The following RIPOR2 variants were observed in gnomAD, a reference collection of about 807,000 sequenced individuals.
RIPOR2 encodes the protein RHO family interacting cell polarization regulator 2, also known as rho family-interacting cell polarization regulator 2.
Under a neutral mutation model 114.5 loss-of-function variants are expected in RIPOR2, and 39 were observed. The ratio of observed to expected loss-of-function variants is 0.34; its 90% confidence interval spans 0.26 to 0.44. The LOEUF (loss-of-function observed/expected upper bound fraction) is 0.44, where lower values mean the gene tolerates loss of function less well. Among genes scored for constraint, RIPOR2 ranks in the 20% least tolerant of loss-of-function variants. RIPOR2 has a pLI of 1.00. For missense variants in RIPOR2, 1,007 were observed against 1,255.1 expected, an observed-to-expected ratio of 0.80 and a Z score of 2.99; for synonymous variants, 445 against 484.4, an observed-to-expected ratio of 0.92 and a Z score of 1.07.
intron 1 of RIPOR2, among the ~76,000 whole-genome samples, chr6:24,889,164 T>C (rs947189515): frequency 5.3e-5 from 8 of 152,150 alleles, no homozygotes; most frequent in African/African-American, 1.9e-4. Context: ...AGAGATGCAG[T>C]TGGAACACCT....
intron 1 of RIPOR2, among the ~76,000 whole-genome samples, chr6:24,948,624 C>A (rs918542740): frequency 6.6e-6 from 1 of 152,002 alleles, no homozygotes. Flanking sequence ...CTCTGCCTCC[C>A]GGATTCAAGA....
intron 1 of RIPOR2, chr6:24,976,480 C>T: frequency 6.4e-7 from 1 of 1,572,672 alleles, no homozygotes; most frequent in Non-Finnish European, 8.8e-7. Flanking sequence ...GGCCGCATCT[C>T]CTTTGAGGTA....
intron 1 of RIPOR2, among the ~76,000 whole-genome samples, chr6:25,022,649 C>G (rs1776389699): frequency 7.1e-6 from 1 of 140,388 alleles, no homozygotes; most frequent in African/African-American, 2.6e-5. Context: ...TGGGCTCAAA[C>G]TATCCTCCCA....
At chr6:24,931,118 T>C (rs1215484574) in intron 1 of RIPOR2, among the ~76,000 whole-genome samples, 5 of 152,200 alleles carry the variant, frequency 3.3e-5, no homozygotes, top group Non-Finnish European at 7.4e-5. Context: ...CCTTTCTTCT[T>C]TCTATTAATT....
At chr6:25,007,151 T>G (rs895392230) in intron 1 of RIPOR2, among the ~76,000 whole-genome samples, 1 of 152,344 alleles carries the variant, frequency 6.6e-6, no homozygotes, top group East Asian at 1.9e-4. Context: ...TTCTTAATAC[T>G]GCTGGAGAGA....
intron 18 of RIPOR2, among the ~76,000 whole-genome samples, chr6:24,827,328 A>G (rs780659674): frequency 2.0e-5 from 3 of 152,136 alleles, no homozygotes; most frequent in Admixed American, 6.6e-5. Flanking sequence ...ATGCCACCCA[A>G]TGTGCTGACT....
At chr6:25,041,779 A>T (rs1777468561) in intron 1 of RIPOR2, 1 of 678,678 alleles carries the variant, frequency 1.5e-6, no homozygotes, top group South Asian at 1.6e-5. Context: ...GCAGAGGGCA[A>T]GAAATGAGTG....
intron 18 of RIPOR2, among the ~76,000 whole-genome samples, chr6:24,826,009 C>T (rs1231666619): frequency 6.8e-6 from 1 of 147,762 alleles, no homozygotes; most frequent in Non-Finnish European, 1.5e-5. Context: ...TCACTGCAAC[C>T]TCCACCTCCT....
intron 16 of RIPOR2, 55 bp from the exon 17 acceptor site, chr6:24,830,725 T>A (rs1217430691): frequency 6.7e-7 from 1 of 1,496,814 alleles, no homozygotes; most frequent in Admixed American, 2.3e-5. Flanking sequence ...TATTTTATTT[T>A]ATTTTTTTGA....
At chr6:24,840,485 A>T in intron 13 of RIPOR2, 1 of 1,379,350 alleles carries the variant, frequency 7.2e-7, no homozygotes, top group Non-Finnish European at 9.4e-7. Context: ...AGAGTTGGAG[A>T]GAAGTATTTC....
chr6:24,832,471 A>G (rs977796227), intron 15 of RIPOR2, 80 bp from the exon 16 acceptor site: 3 of 1,264,834 alleles, frequency 2.4e-6, no homozygotes, highest in Admixed American at 4.2e-5. Flanking sequence ...TCCTTCCTGA[A>G]TGTGGTGATG....
At chr6:24,955,745 C>G (rs1029113184) in intron 1 of RIPOR2, among the ~76,000 whole-genome samples, 1 of 150,866 alleles carries the variant, frequency 6.6e-6, no homozygotes, top group Non-Finnish European at 1.5e-5. Context: ...TGGCTCACGG[C>G]TGTAATCCCA....
chr6:24,859,558 A>G (rs1041505873), intron 8 of RIPOR2, among the ~76,000 whole-genome samples: 30 of 152,180 alleles, frequency 2.0e-4, no homozygotes, highest in African/African-American at 7.0e-4. Context: ...GGAAAAAAGC[A>G]CAGATGCCAG....
rs1561782630 is a variant in RIPOR2, at chr6:24,927,183, G to GCACCACTACAACTACAATCACCATCACC, written c.61+8654_61+8655insGGTGATGGTGATTGTAGTTGTAGTGGTG. The stretch of plus-strand genomic sequence containing the variant: ...CCACAACTACAATCACCACCACCAT[G>GCACCACTACAACTACAATCACCATCACC]ACCACCACCACAACTACAAGCACCA... On this transcript the variant is annotated intron_variant, in intron 1 of 21. Transcript: ENST00000643898. 5.4e-4 allele frequency among the ~76,000 whole-genome samples: 2 copies of GCACCACTACAACTACAATCACCATCACC among 3,724 alleles called. 1 individual carries two copies. The highest frequency in any genetic ancestry group is 3.9e-3 in the Admixed American group (2 of 518). 2.4% of individuals were successfully genotyped at this position (3,724 alleles called of 152,430 possible). A position where few individuals can be genotyped will look rare whatever the true frequency, so the allele number is the denominator to read the frequency against.
intron 14 of RIPOR2, among the ~76,000 whole-genome samples, chr6:24,837,355 C>A (rs780708850): frequency 4.6e-5 from 7 of 152,194 alleles, no homozygotes; most frequent in Non-Finnish European, 1.0e-4. Flanking sequence ...ACTCTGACCT[C>A]AAGTGATTCA....
At chr6:24,964,790 C>T (rs1175144248) in intron 1 of RIPOR2, among the ~76,000 whole-genome samples, 11 of 152,200 alleles carry the variant, frequency 7.2e-5, no homozygotes, top group Admixed American at 7.2e-4. Context: ...CACATACTCA[C>T]CTGCATTTGG....
chr6:24,980,430 A>C (rs1774239263), intron 1 of RIPOR2, among the ~76,000 whole-genome samples: 1 of 152,198 alleles, frequency 6.6e-6, no homozygotes, highest in East Asian at 1.9e-4. Flanking sequence ...TCTTTTACAG[A>C]TACATGCATT....
intron 1 of RIPOR2, among the ~76,000 whole-genome samples, chr6:25,005,734 TATATATAC>T (rs1561839330): frequency 1.0e-5 from 1 of 97,682 alleles, no homozygotes; most frequent in Non-Finnish European, 2.3e-5. Context: ...TATATATATA[TATATATAC>T]ATTTACCGAT....
At position 24,840,769 on chromosome 6, in the gene RIPOR2, T is replaced by C. The variant is rs953210943; in HGVS notation, c.1858-1497A>G. The C allele has an allele frequency of 3.9e-6, 6 of 1,535,310 alleles. No homozygotes were observed. In the African/African-American group the frequency reaches 8.2e-5, roughly 21 times the overall value. On this transcript the variant is annotated intron_variant, in intron 13 of 21. Coordinates refer to ENST00000643898, the MANE Select transcript of RIPOR2 (RefSeq NM_001286445.3). ...TTTAGTTTCTGATCGTCAAGGTGTT[T>C]AGCATCCTAGGAATGTGAAGGAGGG...
Sources: allele counts gnomAD v4.1 joint callset (sites outside exome capture counted in the v4.1 genomes callset), GRCh38; gene constraint gnomAD v4.1.1; transcripts MANE v1.5; gene names NCBI Gene and HGNC (gene_info 2026-07-23, HGNC 2026-07-21).